Variants in NEO1 observed in about 807,000 individuals in gnomAD.
NEO1 encodes neogenin 1.
In NEO1, 63 loss-of-function variants were observed where a neutral mutation model predicts 159.7. That is an observed-to-expected ratio of 0.39 (90% confidence interval 0.32 to 0.49). The LOEUF (loss-of-function observed/expected upper bound fraction) is 0.49, where lower values mean the gene tolerates loss of function less well. Among genes scored for constraint, NEO1 ranks in the 20% least tolerant of loss-of-function variants. The pLI is 0.85. For missense variants in NEO1, 1,615 were observed against 1,831.0 expected (o/e 0.88, Z 2.15); for synonymous variants, 633 against 662.0 (o/e 0.96, Z 0.67).
chr15:73,051,886 C>T (rs1171076245), upstream of NEO1: 1 of 152,178 alleles, frequency 6.6e-6, no homozygotes, highest in African/African-American at 2.4e-5. Flanking sequence ...ATAGAGGCTC[C>T]AGGCCCGGAC....
intron 1 of NEO1, among the ~76,000 whole-genome samples, chr15:73,066,126 T>C (rs1222813589): frequency 6.6e-6 from 1 of 151,018 alleles, no homozygotes; most frequent in East Asian, 1.9e-4. Context: ...CATGCCATTC[T>C]CCTGTCTCAG....
chr15:73,200,344 G>A (rs2152050858), intron 7 of NEO1, among the ~76,000 whole-genome samples: 1 of 152,162 alleles, frequency 6.6e-6, no homozygotes, highest in Middle Eastern at 3.4e-3. Flanking sequence ...ACTTTGGGAG[G>A]CCGAGGTGGG....
chr15:73,242,025 A>G (rs1035211329), intron 8 of NEO1, among the ~76,000 whole-genome samples: 2 of 152,202 alleles, frequency 1.3e-5, no homozygotes, highest in Non-Finnish European at 2.9e-5. Context: ...GCTTCCCTGT[A>G]TGAGCATTCT....
chr15:73,127,696 C>G (rs1025496545), intron 4 of NEO1, among the ~76,000 whole-genome samples: 1 of 152,154 alleles, frequency 6.6e-6, no homozygotes, highest in Non-Finnish European at 1.5e-5. Context: ...GTAAGAAGTA[C>G]ATGTACAATA....
At chr15:73,278,039 T>A in intron 21 of NEO1, 92 bp from the exon 22 acceptor site, 1 of 1,059,046 alleles carries the variant, frequency 9.4e-7, no homozygotes. Context: ...GACTAAAAAT[T>A]GTGTTTTTTG....
At chr15:73,289,122 C>T (rs2042063033) in intron 24 of NEO1, 24 bp from the exon 25 acceptor site, 1 of 1,607,104 alleles carries the variant, frequency 6.2e-7, no homozygotes, top group South Asian at 1.1e-5. Flanking sequence ...ATGCTGGTAA[C>T]TAACCTCCAC....
At chr15:73,087,639 T>C (rs2069439222) in intron 1 of NEO1, among the ~76,000 whole-genome samples, 1 of 152,126 alleles carries the variant, frequency 6.6e-6, no homozygotes, top group Non-Finnish European at 1.5e-5. Flanking sequence ...ACAAGATAAA[T>C]TTACTTTCAT....
At position 73,302,658 on chromosome 15, in the gene NEO1, G is replaced by T. The variant is rs751931564; in HGVS notation, c.4348G>T (p.Gly1450Ter). The change falls in exon 29 of 29, where the codon GGA becomes TGA. Residue 1450 changes from glycine to a stop codon, truncating the protein, a stop_gained. Coordinates refer to ENST00000261908, the MANE Select transcript of NEO1 (RefSeq NM_002499.4). LOFTEE classifies it high-confidence loss of function. ...ELTKEMAHLE[G>*]LMKDLNAITT... ...GACCAAAGAGATGGCCCACCTGGAAGGACTAATGAAGGACCTAAACGCTAT... is the reference window on the plus strand; with the variant it reads ...GACCAAAGAGATGGCCCACCTGGAATGACTAATGAAGGACCTAAACGCTAT... 1.2e-6 allele frequency: 2 copies of T among 1,614,118 alleles called. No individual in the cohort carries two copies. The highest frequency in any genetic ancestry group is 1.1e-5 in the South Asian group (1 of 91,076).
At chr15:73,110,498 A>ACAC (rs1318947042) in intron 1 of NEO1, among the ~76,000 whole-genome samples, 3 of 152,198 alleles carry the variant, frequency 2.0e-5, no homozygotes, top group Non-Finnish European at 4.4e-5. Context: ...TACTGGTCAC[A>ACAC]CACAATTAAG....
intron 5 of NEO1, among the ~76,000 whole-genome samples, chr15:73,175,577 G>A (rs2035233980): frequency 6.6e-6 from 1 of 152,186 alleles, no homozygotes; most frequent in African/African-American, 2.4e-5. Context: ...AGCTGCTGTC[G>A]TTGCCATTGT....
Position 73,122,791 on chromosome 15 carries a change from G to A in NEO1, c.715G>A (p.Val239Ile). The A allele has an allele frequency of 6.2e-7, 1 of 1,614,040 alleles. No individual in the cohort carries two copies. The highest frequency in any genetic ancestry group is 8.5e-7 in the Non-Finnish European group (1 of 1,179,914). ...PKYSDEVELK[V>I]LPDPEVISDL... ...GTATAGTGATGAAGTTGAATTGAAG[G>A]TTCTTCCAGGTATTAACTCATTATC... is the stretch of plus-strand genomic sequence containing the variant. The change falls in exon 3 of 29, where the codon GTT becomes ATT. Residue 239 changes from valine (V) to isoleucine (I), a missense_variant. This residue lies in a region of NEO1 where 1,018 missense variants were observed against 1,115.4 expected (regional missense o/e 0.91). Coordinates refer to ENST00000261908, the MANE Select transcript of NEO1 (RefSeq NM_002499.4).
intron 5 of NEO1, among the ~76,000 whole-genome samples, chr15:73,142,744 A>G (rs1283862710): frequency 1.3e-5 from 2 of 152,250 alleles, no homozygotes; most frequent in Admixed American, 6.5e-5. Context: ...TCAGCCCTCA[A>G]GAGTGCGTCA....
In NEO1 at chr15:73,068,229, C is replaced by CG. The variant is rs1567121029; in HGVS notation, c.130+15424_130+15425insG. Among the ~76,000 whole-genome samples the CG allele has an allele frequency of 1.8e-3, 200 of 113,054 alleles. 5 individuals are homozygous for CG. Among genetic ancestry groups the CG allele is most frequent in the African/African-American group, 5.3e-3 (192 of 36,152 alleles). 74.2% of individuals were successfully genotyped at this position (113,054 alleles called of 152,430 possible). Reference sequence around the variant, plus strand: ...TTTTTGTTTTTGTCCCCCTACCCCCCCCCCTTTTTTTTTGAGACAGTGTCT... The same window carrying CG: ...TTTTTGTTTTTGTCCCCCTACCCCCCGCCCCTTTTTTTTTGAGACAGTGTCT... On this transcript the variant is annotated intron_variant, in intron 1 of 28. Coordinates refer to ENST00000261908, the MANE Select transcript of NEO1 (RefSeq NM_002499.4).
chr15:73,185,599 A>G (rs771677943), intron 7 of NEO1, among the ~76,000 whole-genome samples: 5 of 152,206 alleles, frequency 3.3e-5, no homozygotes, highest in African/African-American at 4.8e-5. Flanking sequence ...AAACATTTTT[A>G]TCATAAAATT....
chr15:73,117,964 AT>A (rs931794434), intron 2 of NEO1, among the ~76,000 whole-genome samples: 5 of 150,800 alleles, frequency 3.3e-5, no homozygotes, highest in African/African-American at 1.2e-4. Flanking sequence ...CCCTTAAAAA[AT>A]AATCTATTTG....
chr15:73,092,308 G>C (rs2069737877), intron 1 of NEO1, among the ~76,000 whole-genome samples: 1 of 152,168 alleles, frequency 6.6e-6, no homozygotes. Context: ...AGTTGATTAA[G>C]GGGGATAATT....
At chr15:73,248,415 A>G (rs1249468882) in intron 9 of NEO1, among the ~76,000 whole-genome samples, 2 of 152,098 alleles carry the variant, frequency 1.3e-5, no homozygotes, top group Non-Finnish European at 2.9e-5. Context: ...TCTCTCTCCC[A>G]TATCCACTCT....
intron 5 of NEO1, among the ~76,000 whole-genome samples, chr15:73,152,044 A>G (rs990482692): frequency 3.9e-5 from 6 of 152,222 alleles, no homozygotes; most frequent in African/African-American, 1.4e-4. Flanking sequence ...AGCCAATAGG[A>G]AGCATAAGTT....
chr15:73,214,184 T>G (rs2037746668), intron 7 of NEO1, among the ~76,000 whole-genome samples: 5 of 152,092 alleles, frequency 3.3e-5, no homozygotes, highest in Admixed American at 3.3e-4. Flanking sequence ...TTGTTAGTCC[T>G]TTGTCAGATT....
Sources: gnomAD v4.1 joint callset for allele counts (sites outside exome capture counted in the v4.1 genomes callset) on GRCh38, gnomAD v4.1.1 for gene constraint, gnomAD v4.1.1 regional missense constraint, MANE v1.5 for transcripts, NCBI Gene and HGNC (gene_info 2026-07-23, HGNC 2026-07-21) for gene names.